The following ARHGAP8 variants were observed in gnomAD, a reference collection of about 807,000 sequenced individuals.
The protein encoded by ARHGAP8 is rho GTPase-activating protein 8.
A neutral mutation model predicts 46.1 loss-of-function variants in ARHGAP8; 62 were observed. The observed-to-expected ratio is 1.34, with a 90% CI of 1.10 to 1.66. The LOEUF (loss-of-function observed/expected upper bound fraction) is 1.66. Among genes scored for constraint, ARHGAP8 ranks in the 40% most tolerant of loss-of-function variants. The pLI, the probability that ARHGAP8 is intolerant of heterozygous loss-of-function variation, is 0.00. For missense variants in ARHGAP8, 923 were observed against 568.4 expected, an observed-to-expected ratio of 1.62 and a Z score of -6.34; for synonymous variants, 375 against 243.1, an observed-to-expected ratio of 1.54 and a Z score of -5.05.
chr22:44,820,264 G>A (rs1930034991), intron 5 of ARHGAP8, among the ~76,000 whole-genome samples: 1 of 152,314 alleles, frequency 6.6e-6, no homozygotes, highest in African/African-American at 2.4e-5. Context: ...CCCAGAGTCC[G>A]TGTTTGGCAG....
intron 1 of ARHGAP8, among the ~76,000 whole-genome samples, chr22:44,758,477 C>CTTTACATA: frequency 6.6e-6 from 1 of 152,148 alleles, no homozygotes; most frequent in East Asian, 1.9e-4. Context: ...CCGTGAATCC[C>CTTTACATA]CACTTTAATT....
chr22:44,753,833 G>C (rs1011492025), intron 1 of ARHGAP8, among the ~76,000 whole-genome samples: 1 of 151,190 alleles, frequency 6.6e-6, no homozygotes, highest in Non-Finnish European at 1.5e-5. Context: ...GCTCTGTGCC[G>C]TCCCTCGCTT....
intron 7 of ARHGAP8, among the ~76,000 whole-genome samples, chr22:44,832,830 A>G (rs937300573): frequency 2.0e-5 from 3 of 152,176 alleles, no homozygotes; most frequent in African/African-American, 7.2e-5. Flanking sequence ...TCCTGATCTT[A>G]AGAATCAGCA....
chr22:44,786,531 G>T lies in ARHGAP8; in HGVS notation c.4G>T (p.Ala2Ser). The change falls in exon 2 of 12, where the codon GCT becomes TCT. Residue 2 changes from alanine to serine, a missense_variant. Physicochemically the swap from Ala to Ser is moderately conservative, Grantham distance 99 (BLOSUM62 1). Coordinates refer to ENST00000356099, the MANE Select transcript of ARHGAP8 (RefSeq NM_181335.3). The stretch of plus-strand genomic sequence containing the variant: ...GAAGAGGCCCTCGGTGGTGCCCATG[G>T]CTGGCCAGGATCCTGCGCTGAGCAC... MAGQDPALSTSH... is the reference protein window; with the variant it reads MSGQDPALSTSH... The T allele has an allele frequency of 6.2e-7, 1 of 1,613,172 alleles. No homozygotes were observed. The highest frequency in any genetic ancestry group is 1.3e-5 in the African/African-American group (1 of 74,996).
chr22:44,843,058 T>C (rs1189954645), intron 7 of ARHGAP8, among the ~76,000 whole-genome samples: 2 of 151,968 alleles, frequency 1.3e-5, no homozygotes, highest in African/African-American at 2.4e-5. Context: ...CATCCAGAGG[T>C]GGGCAGTTGG....
intron 2 of ARHGAP8, among the ~76,000 whole-genome samples, chr22:44,790,550 T>C (rs9614935): frequency 0.21 from 32,334 of 150,816 alleles, 4,299 homozygotes; most frequent in African/African-American, 0.38. Context: ...GTGGCACATA[T>C]CTGTAATCCC....
intron 1 of ARHGAP8, chr22:44,765,914 G>C (rs567991148): frequency 1.3e-5 from 2 of 152,488 alleles, no homozygotes; most frequent in African/African-American, 2.4e-5. Context: ...TCCCAGCCTG[G>C]GTCTCGCTCC....
chr22:44,847,919 T>G (rs1569178094), intron 8 of ARHGAP8, 54 bp from the exon 9 acceptor site: 1 of 1,599,794 alleles, frequency 6.3e-7, no homozygotes, highest in Non-Finnish European at 8.5e-7. Flanking sequence ...TATAATGTCC[T>G]GGAAGCCCTT....
At chr22:44,858,903 G>A (rs2070329694) in intron 10 of ARHGAP8, among the ~76,000 whole-genome samples, 1 of 151,698 alleles carries the variant, frequency 6.6e-6, no homozygotes, top group South Asian at 2.1e-4. Context: ...TAGTAAATAT[G>A]TTAGGCTTTG....
chr22:44,787,577 T>C (rs984488829), intron 2 of ARHGAP8, among the ~76,000 whole-genome samples: 1 of 152,184 alleles, frequency 6.6e-6, no homozygotes, highest in African/African-American at 2.4e-5. Flanking sequence ...ACTCCTGACC[T>C]CAAGTGATCC....
chr22:44,791,383 G>A (rs1025643578), intron 2 of ARHGAP8, among the ~76,000 whole-genome samples: 1 of 152,158 alleles, frequency 6.6e-6, no homozygotes, highest in Non-Finnish European at 1.5e-5. Context: ...TAGTTCTCTT[G>A]TGTTGGAGCA....
Position 44,848,893 on chromosome 22 carries a change from C to G in ARHGAP8, c.749-39C>G, listed in dbSNP as rs145300796. Reference sequence around the variant, plus strand: ...CGTTCTGCAGCGGCAGTGCCCAGGCCGGGGTGCAGACCTCAGCAGTGCTGT... The same window carrying G: ...CGTTCTGCAGCGGCAGTGCCCAGGCGGGGGTGCAGACCTCAGCAGTGCTGT... On this transcript the variant is annotated intron_variant, in intron 9 of 11. Transcript: ENST00000356099. The G allele has an allele frequency of 6.2e-6, 10 of 1,610,830 alleles. No individual in the cohort carries two copies. In the South Asian group the frequency reaches 1.1e-4, roughly 18 times the overall value.
At chr22:44,823,248 A>T (rs983386070) in intron 6 of ARHGAP8, among the ~76,000 whole-genome samples, 1 of 152,154 alleles carries the variant, frequency 6.6e-6, no homozygotes, top group African/African-American at 2.4e-5. Context: ...GCCACAAATC[A>T]GTGATGACAG....
intron 1 of ARHGAP8, chr22:44,765,791 T>G (rs1925511469): frequency 6.6e-6 from 1 of 152,420 alleles, no homozygotes; most frequent in South Asian, 2.1e-4. Context: ...GCGGCCCTTC[T>G]TCCTGACCAG....
chr22:44,774,104 T>C (rs1279524514), intron 1 of ARHGAP8, among the ~76,000 whole-genome samples: 1 of 152,196 alleles, frequency 6.6e-6, no homozygotes, highest in Non-Finnish European at 1.5e-5. Context: ...CTCCAGGTAG[T>C]CTGGCTGCAG....
At chr22:44,792,713 A>G (rs925396716) in intron 2 of ARHGAP8, among the ~76,000 whole-genome samples, 2 of 152,120 alleles carry the variant, frequency 1.3e-5, no homozygotes, top group African/African-American at 4.8e-5. Context: ...GTCAAAAGGA[A>G]TTTTGAATGA....
At chr22:44,856,254 CTTTTTTTTTTTT>C (rs557242169) in intron 10 of ARHGAP8, among the ~76,000 whole-genome samples, 23 of 86,882 alleles carry the variant, frequency 2.6e-4, no homozygotes, top group African/African-American at 9.7e-4. Flanking sequence ...TATAAATTCC[CTTTTTTTTTTTT>C]TTTTTTTTTT....
At chr22:44,860,679 T>C (rs949000424) in intron 11 of ARHGAP8, among the ~76,000 whole-genome samples, 1 of 152,092 alleles carries the variant, frequency 6.6e-6, no homozygotes, top group Admixed American at 6.5e-5. Flanking sequence ...AGAGAAACCC[T>C]TCAGTGCTCT....
chr22:44,780,236 G>A (rs898728136), intron 1 of ARHGAP8, among the ~76,000 whole-genome samples: 2 of 152,190 alleles, frequency 1.3e-5, no homozygotes, highest in African/African-American at 4.8e-5. Context: ...GCACAGCTGT[G>A]GTCTCAGCTA....
Sources: gnomAD v4.1 joint callset for allele counts (sites outside exome capture counted in the v4.1 genomes callset) on GRCh38, gnomAD v4.1.1 for gene constraint, MANE v1.5 for transcripts, NCBI Gene and HGNC (gene_info 2026-07-23, HGNC 2026-07-21) for gene names.